The following AATF variants were observed in gnomAD, a reference collection of about 807,000 sequenced individuals.
AATF encodes the protein apoptosis antagonizing transcription factor.
A neutral mutation model predicts 63.7 loss-of-function variants in AATF; 48 were observed. The ratio of observed to expected loss-of-function variants is 0.75; its 90% CI spans 0.60 to 0.96. The LOEUF (loss-of-function observed/expected upper bound fraction) is 0.96, where lower values mean the gene tolerates loss of function less well. Ranked by LOEUF, AATF falls within the 40% of genes least tolerant of loss-of-function variation. The pLI, the probability that AATF is intolerant of heterozygous loss-of-function variation, is 0.00. For missense variants in AATF, 639 were observed against 685.7 expected (o/e 0.93, Z 0.76); for synonymous variants, 258 against 247.7 (o/e 1.04, Z -0.39).
At chr17:36,962,706 C>G (rs2070957557) in intron 4 of AATF, among the ~76,000 whole-genome samples, 1 of 152,056 alleles carries the variant, frequency 6.6e-6, no homozygotes, top group Non-Finnish European at 1.5e-5. Context: ...GCTAGTAGCT[C>G]CATAGTAGGA....
At chr17:37,046,527 A>G (rs2071692873) in intron 11 of AATF, among the ~76,000 whole-genome samples, 1 of 152,130 alleles carries the variant, frequency 6.6e-6, no homozygotes, top group Non-Finnish European at 1.5e-5. Flanking sequence ...CAGAGCTGGC[A>G]CTTTGCATTT....
intron 4 of AATF, among the ~76,000 whole-genome samples, chr17:36,955,923 C>T (rs780396855): frequency 7.9e-5 from 12 of 151,994 alleles, no homozygotes; most frequent in Non-Finnish European, 1.5e-4. Context: ...CCACCATGCC[C>T]GACTAATTTT....
At chr17:36,968,653 A>G (rs2071015039) in intron 4 of AATF, among the ~76,000 whole-genome samples, 1 of 150,568 alleles carries the variant, frequency 6.6e-6, no homozygotes, top group Non-Finnish European at 1.5e-5. Context: ...AGAAGGTCCC[A>G]CTCTGTCACC....
Position 36,998,996 on chromosome 17 carries a change from A to G in AATF, c.1398+8139A>G, listed in dbSNP as rs2071274961. On this transcript the variant is annotated intron_variant, in intron 8 of 11. Transcript: ENST00000619387. Reference sequence around the variant, plus strand: ...TTAGCCTACTGGTTTACCCCTCAACATACACCTGATCTAATTCTACAGTAA... The same window carrying G: ...TTAGCCTACTGGTTTACCCCTCAACGTACACCTGATCTAATTCTACAGTAA... 3 of 152,222 alleles carry G rather than the reference A, an allele frequency of 2.0e-5. 1 individual carries two copies. In the South Asian group the frequency reaches 6.2e-4, roughly 31 times the overall value. 9.4% of individuals were successfully genotyped at this position (152,222 alleles called of 1,614,324 possible).
Position 36,952,934 on chromosome 17 carries a change from G to A in AATF, c.332G>A (p.Gly111Glu), listed in dbSNP as rs140132823. The A allele has an allele frequency of 1.3e-3, 2,077 of 1,614,164 alleles. 4 individuals are homozygous for A. The highest frequency in any genetic ancestry group is 1.6e-3 in the Non-Finnish European group (1,859 of 1,180,028). The change falls in exon 3 of 12, where the codon GGA becomes GAA. Residue 111 changes from glycine to glutamate, a missense_variant. Physicochemically the swap from Gly to Glu is moderately conservative, Grantham distance 98 (BLOSUM62 -2). Transcript: ENST00000619387. ...EEGSGDEDSE[G>E]LGLEEYDEDD... The stretch of plus-strand genomic sequence containing the variant: ...GGGTCTGGAGATGAAGATTCAGAGG[G>A]ACTGGGTCTGGAGGAATATGATGAG...
intron 8 of AATF, among the ~76,000 whole-genome samples, chr17:37,008,418 G>T (rs2071358117): frequency 6.6e-6 from 1 of 152,200 alleles, no homozygotes; most frequent in Non-Finnish European, 1.5e-5. Flanking sequence ...CTCTTTGGCA[G>T]ATAGTTACAC....
chr17:36,967,341 C>T (rs940020354), intron 4 of AATF, among the ~76,000 whole-genome samples: 1 of 152,184 alleles, frequency 6.6e-6, no homozygotes, highest in African/African-American at 2.4e-5. Flanking sequence ...TGATTATTTT[C>T]CTTTCCCACA....
chr17:37,054,581 T>G (rs2071781783), intron 11 of AATF: 2 of 152,186 alleles, frequency 1.3e-5, no homozygotes, highest in African/African-American at 4.8e-5. Flanking sequence ...TGAAATGATG[T>G]TCTATGAAAA....
Position 37,025,931 on chromosome 17 carries a change from A to G in AATF, c.1547+4917A>G, listed in dbSNP as rs2071507556. ...TCCCCCAAGATATTTGTCCATTACA[A>G]AGAGAAACATAGTGGCTTTGCAATA... On this transcript the variant is annotated intron_variant, in intron 10 of 11. Coordinates refer to ENST00000619387, the MANE Select transcript of AATF (RefSeq NM_012138.4). Among the ~76,000 whole-genome samples the G allele has an allele frequency of 2.0e-5, 3 of 152,316 alleles. No individual in the cohort carries two copies. The South Asian group carries it at 6.2e-4, about 32-fold the overall frequency.
At chr17:36,982,870 C>G (rs1202765940) in intron 4 of AATF, among the ~76,000 whole-genome samples, 1 of 152,148 alleles carries the variant, frequency 6.6e-6, no homozygotes, top group Non-Finnish European at 1.5e-5. Flanking sequence ...TTCTCAGCCC[C>G]TGGTAACTAC....
At chr17:37,009,908 T>A (rs1028245533) in intron 8 of AATF, among the ~76,000 whole-genome samples, 1 of 150,380 alleles carries the variant, frequency 6.6e-6, no homozygotes, top group Non-Finnish European at 1.5e-5. Flanking sequence ...TCATCTGGCC[T>A]ATGTAAGACA....
At chr17:36,993,147 T>A (rs1008089077) in intron 8 of AATF, among the ~76,000 whole-genome samples, 1 of 152,214 alleles carries the variant, frequency 6.6e-6, no homozygotes, top group Non-Finnish European at 1.5e-5. Flanking sequence ...CACTTACCAC[T>A]CTTTGGCAGC....
chr17:36,962,067 T>C (rs965900313), intron 4 of AATF, among the ~76,000 whole-genome samples: 1 of 152,190 alleles, frequency 6.6e-6, no homozygotes, highest in Non-Finnish European at 1.5e-5. Flanking sequence ...TCTGTAACAG[T>C]TGTTTTCCTA....
intron 4 of AATF, among the ~76,000 whole-genome samples, chr17:36,969,836 A>G (rs1421946455): frequency 6.6e-6 from 1 of 152,146 alleles, no homozygotes; most frequent in Non-Finnish European, 1.5e-5. Context: ...TCCCTAGGCA[A>G]CCACTAAATC....
At chr17:37,014,675 T>C (rs2071416160) in intron 8 of AATF, among the ~76,000 whole-genome samples, 1 of 152,210 alleles carries the variant, frequency 6.6e-6, no homozygotes, top group African/African-American at 2.4e-5. Context: ...GTCTTTGCAG[T>C]TGTATTCCTG....
chr17:36,998,300 A>T (rs759614539), intron 8 of AATF, among the ~76,000 whole-genome samples: 1 of 152,240 alleles, frequency 6.6e-6, no homozygotes, highest in African/African-American at 2.4e-5. Context: ...TTTGGAGACC[A>T]TCAAGTCCAA....
chr17:37,054,670 C>T (rs1234925316), intron 11 of AATF: 1 of 152,216 alleles, frequency 6.6e-6, no homozygotes, highest in African/African-American at 2.4e-5. Context: ...TCGGCCCAGG[C>T]GTTGCACTGA....
intron 11 of AATF, among the ~76,000 whole-genome samples, chr17:37,046,770 C>T (rs530768927): frequency 6.6e-6 from 1 of 150,972 alleles, no homozygotes; most frequent in Non-Finnish European, 1.5e-5. Context: ...CACACACACA[C>T]GCATGCACAC....
chr17:37,053,901 T>C (rs2071775659), intron 11 of AATF, among the ~76,000 whole-genome samples: 1 of 152,218 alleles, frequency 6.6e-6, no homozygotes, highest in South Asian at 2.1e-4. Context: ...GAATGAACGA[T>C]GAGTATCAAA....
Sources: gnomAD v4.1 joint callset for allele counts (sites outside exome capture counted in the v4.1 genomes callset) on GRCh38, gnomAD v4.1.1 for gene constraint, MANE v1.5 for transcripts, NCBI Gene and HGNC (gene_info 2026-07-23, HGNC 2026-07-21) for gene names.